OCRL: variants seen among roughly 807,000 people sequenced by gnomAD.
OCRL encodes the protein inositol polyphosphate 5-phosphatase OCRL.
Under a neutral mutation model 78.9 loss-of-function variants are expected in OCRL, and 8 were observed. The observed-to-expected ratio is 0.10, with a 90% CI of 0.06 to 0.18. The LOEUF is 0.18. Among genes scored for constraint, OCRL ranks in the 10% least tolerant of loss-of-function variants. The pLI, the probability that OCRL is intolerant of heterozygous loss-of-function variation, is 1.00. For missense variants in OCRL, 454 were observed against 696.7 expected, an observed-to-expected ratio of 0.65 and a Z score of 3.92; for synonymous variants, 240 against 235.4, an observed-to-expected ratio of 1.02 and a Z score of -0.18.
chrX:129,541,589 C>G (rs1032260362), intron 2 of OCRL, among the ~76,000 whole-genome samples: 1 of 112,188 alleles, frequency 8.9e-6, no homozygotes, highest in African/African-American at 3.2e-5. Flanking sequence ...TATCTTATCT[C>G]AAAAATATCC....
chrX:129,544,298 C>T (rs892439661), intron 2 of OCRL, among the ~76,000 whole-genome samples: 9 of 110,914 alleles, frequency 8.1e-5, no homozygotes, highest in Non-Finnish European at 1.3e-4. Context: ...CAGGTTTACT[C>T]ATGTTTATGT....
intron 20 of OCRL, 130 bp downstream of exon 20, chrX:129,587,248 G>A (rs1208832568): frequency 5.7e-6 from 3 of 527,546 alleles, no homozygotes; most frequent in East Asian, 6.8e-5. Context: ...CTGTCAGATC[G>A]ACTGGGTGGG....
At chrX:129,554,845 A>G (rs1394379049) in intron 4 of OCRL, among the ~76,000 whole-genome samples, 19 of 108,950 alleles carry the variant, frequency 1.7e-4, no homozygotes, top group African/African-American at 6.3e-4. Flanking sequence ...CCAGCTACTC[A>G]GGAAGCTGAG....
At chrX:129,557,074 A>T (rs924269686) in intron 4 of OCRL, among the ~76,000 whole-genome samples, 1 of 111,374 alleles carries the variant, frequency 9.0e-6, no homozygotes, top group African/African-American at 3.3e-5. Flanking sequence ...TCATATCCTT[A>T]GATCGGGCTG....
At chrX:129,544,393 T>A (rs1324623984) in intron 2 of OCRL, among the ~76,000 whole-genome samples, 1 of 111,634 alleles carries the variant, frequency 9.0e-6, no homozygotes, top group Admixed American at 9.5e-5. Context: ...ACCTTGTTGG[T>A]CACTGATATT....
chrX:129,585,093 A>G (rs1246532501), intron 19 of OCRL, among the ~76,000 whole-genome samples: 1 of 112,602 alleles, frequency 8.9e-6, no homozygotes, highest in Non-Finnish European at 1.9e-5. Context: ...TTGAAAGAAG[A>G]CAAAGTACCT....
rs762552670 is a variant in OCRL, at chrX:129,540,293, C to CGCTCCCG, written c.-137_-131dup. 3,622 of 634,375 alleles carry CGCTCCCG rather than the reference C, an allele frequency of 5.7e-3. 19 individuals carry two copies. The highest frequency in any genetic ancestry group is 7.4e-3 in the Non-Finnish European group (3,000 of 406,325). The allele number at this position is 634,375 out of a possible 1,213,427, so 52.3% of individuals were successfully genotyped here. A position where few individuals can be genotyped will look rare whatever the true frequency, so the allele number is the denominator to read the frequency against. On this transcript the variant is annotated 5_prime_UTR_variant, in exon 1 of 24. Transcript: ENST00000371113. ...GTCAGATTCTCAGCTCCCAGCTCCC[C>CGCTCCCG]GCTCCCGGCTCCCGGCGCCCGGCGC...
chrX:129,561,280 C>T lies in OCRL; in HGVS notation c.926C>T (p.Ala309Val), dbSNP rs1057524866. ...GTAGAGAGAGGTTTGCATTCCAAAGCCAAGTATAAGAAAGTAAGCCGCATT... is the reference window on the plus strand; with the variant it reads ...GTAGAGAGAGGTTTGCATTCCAAAGTCAAGTATAAGAAAGTAAGCCGCATT... ...MAVERGLHSKAKYKKVQLVRL... is the reference protein window; with the variant it reads ...MAVERGLHSKVKYKKVQLVRL... The change falls in exon 10 of 24, where the codon GCC (alanine) becomes GTC (valine). Residue 309 changes from alanine to valine, a missense_variant. Ala to Val is a moderately conservative substitution (Grantham distance 64). This residue lies in a region of OCRL where 277 missense variants were observed against 517.1 expected (regional missense o/e 0.54). Coordinates refer to ENST00000371113, the MANE Select transcript of OCRL (RefSeq NM_000276.4). 1 of 1,174,127 alleles carries T rather than the reference C, an allele frequency of 8.5e-7. No individual in the cohort carries two copies. Among genetic ancestry groups the T allele is most frequent in the Non-Finnish European group, 1.2e-6 (1 of 861,472 alleles).
chrX:129,540,510 C>G (rs1277942359), intron 1 of OCRL, 32 bp downstream of exon 1: 4 of 1,074,173 alleles, frequency 3.7e-6, no homozygotes, highest in Non-Finnish European at 3.7e-6. Flanking sequence ...GAGGGGAGGC[C>G]GCGCAGGGCC....
At chrX:129,589,762 C>A (rs1014305808) in intron 22 of OCRL, 83 bp from the exon 23 acceptor site, 1 of 651,869 alleles carries the variant, frequency 1.5e-6, no homozygotes, top group Admixed American at 2.3e-5. Context: ...GGATTATAGA[C>A]TACTATTACA....
chrX:129,588,256 G>C lies in OCRL; in HGVS notation c.2334G>C (p.Glu778Asp). 1.7e-6 allele frequency: 2 copies of C among 1,193,743 alleles called. No homozygotes were observed. Among genetic ancestry groups the C allele is most frequent in the Non-Finnish European group, 2.3e-6 (2 of 878,876 alleles). ...IIDCLDTSIP[E>D]TIPGSNHSVA... The stretch of plus-strand genomic sequence containing the variant: ...ATTGTCTGGATACCAGCATTCCTGA[G>C]ACAATCCGTATCCTTTGCGACCAAA... Residue 778 changes from glutamate (E) to aspartate (D), a missense_variant, in exon 21 of 24, where the codon GAG (glutamate) becomes GAC (aspartate). Coordinates refer to ENST00000371113, the MANE Select transcript of OCRL (RefSeq NM_000276.4).
intron 4 of OCRL, 140 bp from the exon 5 acceptor site, chrX:129,557,185 T>A (rs767580438): frequency 1.5e-5 from 8 of 533,890 alleles, no homozygotes; most frequent in Non-Finnish European, 2.6e-5. Context: ...CTCTTGATCT[T>A]GTATGTGTGC....
chrX:129,584,261 A>G, intron 18 of OCRL, 83 bp from the exon 19 acceptor site: 1 of 880,951 alleles, frequency 1.1e-6, no homozygotes, highest in Non-Finnish European at 1.7e-6. Context: ...GTGAGTTCTA[A>G]TACTGATCTG....
chrX:129,586,969 C>T, intron 19 of OCRL, 33 bp from the exon 20 acceptor site: 1 of 928,747 alleles, frequency 1.1e-6, no homozygotes, highest in Non-Finnish European at 1.6e-6. Context: ...TATTCTGAGA[C>T]CCCTTTGATT....
chrX:129,575,321 A>G, intron 16 of OCRL, 71 bp downstream of exon 16: 1 of 700,123 alleles, frequency 1.4e-6, no homozygotes, highest in Non-Finnish European at 2.3e-6. Flanking sequence ...GCTACTTAGA[A>G]AAGGCTACAT....
chrX:129,588,244 C>A lies in OCRL; in HGVS notation c.2322C>A (p.Thr774=). 6.7e-6 allele frequency: 8 copies of A among 1,202,946 alleles called. No homozygotes were observed. The highest frequency in any genetic ancestry group is 9.0e-6 in the Non-Finnish European group (8 of 887,405). ...AGCAGATCATTGATTGTCTGGATAC[C>A]AGCATTCCTGAGACAATCCGTATCC... The part of the protein sequence containing the change: ...ELQQIIDCLD[T]SIPETIPGSN... The change falls in exon 21 of 24, where the codon ACC becomes ACA. Residue 774 remains threonine, a synonymous_variant. Transcript: ENST00000371113.
intron 3 of OCRL, among the ~76,000 whole-genome samples, chrX:129,547,343 A>G (rs780024644): frequency 5.3e-3 from 578 of 109,385 alleles, no homozygotes; most frequent in Middle Eastern, 9.5e-3. Flanking sequence ...GGCTAACACG[A>G]TGAAACCCCG....
intron 3 of OCRL, among the ~76,000 whole-genome samples, chrX:129,547,398 G>A (rs1277469195): frequency 4.6e-5 from 5 of 107,987 alleles, no homozygotes; most frequent in Admixed American, 9.9e-5. Context: ...GGTGGCGGGT[G>A]CCTGTAGTCC....
chrX:129,550,459 T>C (rs982879386), intron 4 of OCRL, among the ~76,000 whole-genome samples: 1 of 112,225 alleles, frequency 8.9e-6, no homozygotes, highest in Non-Finnish European at 1.9e-5. Context: ...TTTATAAAAT[T>C]AAGTCATTGT....
Sources: gnomAD v4.1 joint callset for allele counts (sites outside exome capture counted in the v4.1 genomes callset) on GRCh38, gnomAD v4.1.1 for gene constraint, gnomAD v4.1.1 regional missense constraint, MANE v1.5 for transcripts, NCBI Gene and HGNC (gene_info 2026-07-23, HGNC 2026-07-21) for gene names.